The following SMYD3 variants were observed in gnomAD, a reference collection of about 807,000 sequenced individuals.
SMYD3 encodes the protein SET and MYND domain containing 3, also known as histone-lysine N-methyltransferase SMYD3.
A neutral mutation model predicts 57.7 loss-of-function variants in SMYD3; 36 were observed. The ratio of observed to expected loss-of-function variants is 0.62; its 90% CI spans 0.48 to 0.82. The LOEUF (loss-of-function observed/expected upper bound fraction) is 0.82, where lower values mean the gene tolerates loss of function less well. Ranked by LOEUF, SMYD3 falls within the 40% of genes least tolerant of loss-of-function variation. The pLI, the probability that SMYD3 is intolerant of heterozygous loss-of-function variation, is 0.00. For synonymous variants in SMYD3, 211 were observed against 195.0 expected (o/e 1.08, Z -0.68); for missense variants, 515 against 538.8 (o/e 0.96, Z 0.44).
intron 1 of SMYD3, among the ~76,000 whole-genome samples, chr1:246,362,445 CCCTCTCCCTCTCCCTCT>C (rs2066004298): frequency 4.3e-4 from 1 of 2,338 alleles, no homozygotes; most frequent in Admixed American, 0.012. Context: ...CCCACGGTCT[CCCTCTCCCTCTCCCTCT>C]CCACGGTCTC....
chr1:245,797,668 G>C (rs1388489327), intron 10 of SMYD3, among the ~76,000 whole-genome samples: 1 of 151,436 alleles, frequency 6.6e-6, no homozygotes, highest in Non-Finnish European at 1.5e-5. Context: ...AGAACTTAAA[G>C]TATAATTATA....
At chr1:246,323,510 G>A (rs1339228165) in intron 5 of SMYD3, among the ~76,000 whole-genome samples, 1 of 149,894 alleles carries the variant, frequency 6.7e-6, no homozygotes. Flanking sequence ...CAACTTTTCA[G>A]GCAATAATCA....
At chr1:246,049,002 A>C (rs778544980) in intron 5 of SMYD3, among the ~76,000 whole-genome samples, 1 of 152,122 alleles carries the variant, frequency 6.6e-6, no homozygotes, top group Non-Finnish European at 1.5e-5. Flanking sequence ...ATACGACGAG[A>C]GGATTTGGCT....
At chr1:246,310,273 G>A (rs1433635165) in intron 5 of SMYD3, among the ~76,000 whole-genome samples, 1 of 152,180 alleles carries the variant, frequency 6.6e-6, no homozygotes, top group Admixed American at 6.5e-5. Flanking sequence ...TGAAAAGAGA[G>A]AATGACACGA....
intron 5 of SMYD3, among the ~76,000 whole-genome samples, chr1:246,123,303 C>T (rs1426939401): frequency 6.6e-6 from 1 of 152,140 alleles, no homozygotes; most frequent in East Asian, 1.9e-4. Context: ...CATGGTGGCT[C>T]ACGCCTGTCA....
chr1:246,304,348 T>C (rs190020246), intron 5 of SMYD3, among the ~76,000 whole-genome samples: 21 of 152,230 alleles, frequency 1.4e-4, no homozygotes, highest in Admixed American at 1.2e-3. Flanking sequence ...ATAATACATA[T>C]AGAAATTTAT....
chr1:245,874,647 A>C (rs1362847480), intron 8 of SMYD3, among the ~76,000 whole-genome samples: 1 of 152,216 alleles, frequency 6.6e-6, no homozygotes, highest in African/African-American at 2.4e-5. Context: ...ACAAGCCAAA[A>C]GTTCAAAAGA....
intron 1 of SMYD3, among the ~76,000 whole-genome samples, chr1:246,359,777 C>T (rs183095783): frequency 6.6e-6 from 1 of 152,054 alleles, no homozygotes; most frequent in Non-Finnish European, 1.5e-5. Context: ...ATGATTAAAA[C>T]CCTCAGCAAA....
chr1:246,450,545 G>A (rs140646160), intron 1 of SMYD3, among the ~76,000 whole-genome samples: 1,706 of 152,210 alleles, frequency 0.011, 11 homozygotes, highest in Non-Finnish European at 0.015. Flanking sequence ...TGCATTTGTC[G>A]GAATTCATCG....
chr1:245,948,926 C>T lies in SMYD3; in HGVS notation c.532-18989G>A, dbSNP rs1018851661. ...ATGCAAAGGCCTGGGGATTGCCCTA[C>T]CCCGTCCATCCACCACTGTGGGCAG... On this transcript the variant is annotated intron_variant, in intron 5 of 11. Transcript: ENST00000490107. Among the ~76,000 whole-genome samples the T allele has an allele frequency of 6.6e-5, 10 of 152,348 alleles. No individual in the cohort carries two copies. In the South Asian group the frequency reaches 1.9e-3, roughly 28 times the overall value.
intron 1 of SMYD3, among the ~76,000 whole-genome samples, chr1:246,428,888 T>A (rs2067259438): frequency 6.6e-6 from 1 of 151,858 alleles, no homozygotes; most frequent in African/African-American, 2.4e-5. Flanking sequence ...TTCCCTCTGC[T>A]CTGCCCTCTT....
intron 1 of SMYD3, among the ~76,000 whole-genome samples, chr1:246,361,991 C>T (rs932992902): frequency 1.3e-5 from 2 of 152,204 alleles, no homozygotes; most frequent in Admixed American, 6.5e-5. Flanking sequence ...TAACGCATGG[C>T]CCTGGACCCA....
At chr1:245,875,842 T>C (rs2052458357) in intron 8 of SMYD3, among the ~76,000 whole-genome samples, 1 of 152,182 alleles carries the variant, frequency 6.6e-6, no homozygotes, top group African/African-American at 2.4e-5. Context: ...AGTAAGATTT[T>C]AAGGTTTGTA....
chr1:246,168,212 A>G (rs2062255765), intron 5 of SMYD3, among the ~76,000 whole-genome samples: 1 of 152,224 alleles, frequency 6.6e-6, no homozygotes. Flanking sequence ...GACACATAGA[A>G]AAGCTATAAA....
intron 10 of SMYD3, among the ~76,000 whole-genome samples, chr1:245,837,357 C>T (rs1480530148): frequency 2.0e-5 from 3 of 152,020 alleles, no homozygotes; most frequent in African/African-American, 7.2e-5. Context: ...TCCCTGTTTG[C>T]TTCTTGGATT....
intron 5 of SMYD3, among the ~76,000 whole-genome samples, chr1:246,234,107 C>T (rs1187925674): frequency 7.6e-6 from 1 of 131,538 alleles, no homozygotes; most frequent in African/African-American, 2.9e-5. Context: ...ATATACCACA[C>T]AGAGGAGAAG....
chr1:245,885,936 C>G (rs2053065054), intron 8 of SMYD3, among the ~76,000 whole-genome samples: 1 of 152,140 alleles, frequency 6.6e-6, no homozygotes, highest in African/African-American at 2.4e-5. Context: ...GGAGTACTCA[C>G]CCATGTTGAA....
chr1:245,827,321 G>A lies in SMYD3; in HGVS notation c.1076+31175C>T, dbSNP rs1300886046. Among the ~76,000 whole-genome samples, 13 of 152,120 alleles carry A rather than the reference G, an allele frequency of 8.5e-5. 1 individual carries two copies. The highest frequency in any genetic ancestry group is 1.8e-4 in the Non-Finnish European group (12 of 68,026). On this transcript the variant is annotated intron_variant, in intron 10 of 11. Coordinates refer to ENST00000490107, the MANE Select transcript of SMYD3 (RefSeq NM_001167740.2). ...AGAGATGATCAACACAACAGAGAGC[G>A]ACACTGAGGCCCAGATACATGAGGT...
At chr1:246,160,636 G>A (rs1287034439) in intron 5 of SMYD3, among the ~76,000 whole-genome samples, 2 of 152,224 alleles carry the variant, frequency 1.3e-5, no homozygotes, top group Non-Finnish European at 2.9e-5. Flanking sequence ...GGAGAAGTGA[G>A]AAAGGCAGGG....
Sources: allele counts gnomAD v4.1 joint callset (sites outside exome capture counted in the v4.1 genomes callset), GRCh38; gene constraint gnomAD v4.1.1; transcripts MANE v1.5; gene names NCBI Gene and HGNC (gene_info 2026-07-23, HGNC 2026-07-21).